Variants in SLC2A13 observed in about 807,000 individuals in gnomAD.
SLC2A13 encodes proton myo-inositol cotransporter.
SLC2A13 carries 32 observed loss-of-function variants against 64.4 expected under a neutral mutation model. The observed-to-expected ratio is 0.50, with a 90% confidence interval of 0.37 to 0.67. The LOEUF is 0.67. Among genes scored for constraint, SLC2A13 ranks in the 30% least tolerant of loss-of-function variants. The probability of loss-of-function intolerance (pLI) is 0.00; values close to 1 mark genes in which losing one functional copy is unlikely to be tolerated. For missense variants in SLC2A13, 743 were observed against 829.2 expected (o/e 0.90, Z 1.28); for synonymous variants, 338 against 327.1 (o/e 1.03, Z -0.36).
At chr12:40,006,827 T>C (rs952685126) in intron 3 of SLC2A13, among the ~76,000 whole-genome samples, 2 of 152,200 alleles carry the variant, frequency 1.3e-5, no homozygotes, top group African/African-American at 2.4e-5. Flanking sequence ...TAGACAGATC[T>C]CAAATACACA....
At chr12:39,952,507 G>A (rs1176474974) in intron 3 of SLC2A13, among the ~76,000 whole-genome samples, 1 of 152,154 alleles carries the variant, frequency 6.6e-6, no homozygotes, top group Non-Finnish European at 1.5e-5. Flanking sequence ...AGCAATAAAA[G>A]TTAGTATGGG....
chr12:39,972,185 A>C (rs940395872), intron 3 of SLC2A13, among the ~76,000 whole-genome samples: 2 of 131,792 alleles, frequency 1.5e-5, no homozygotes, highest in Non-Finnish European at 3.3e-5. Context: ...TGAAGGTATA[A>C]AGTAGGCTCT....
At chr12:39,765,624 C>G (rs1325858310) in intron 7 of SLC2A13, among the ~76,000 whole-genome samples, 1 of 152,098 alleles carries the variant, frequency 6.6e-6, no homozygotes, top group African/African-American at 2.4e-5. Flanking sequence ...ATGAACTCAT[C>G]ATAACATTCC....
At chr12:39,935,020 C>T (rs1394075360) in intron 4 of SLC2A13, among the ~76,000 whole-genome samples, 1 of 152,140 alleles carries the variant, frequency 6.6e-6, no homozygotes, top group Non-Finnish European at 1.5e-5. Flanking sequence ...TTTCACCTGC[C>T]CTCAGAAAGA....
intron 3 of SLC2A13, among the ~76,000 whole-genome samples, chr12:39,975,256 T>G (rs920429917): frequency 1.3e-5 from 2 of 152,222 alleles, no homozygotes; most frequent in African/African-American, 4.8e-5. Flanking sequence ...GACTTACATT[T>G]TAGTTTGCTA....
At chr12:39,951,790 C>G (rs545822880) in intron 3 of SLC2A13, among the ~76,000 whole-genome samples, 1 of 152,058 alleles carries the variant, frequency 6.6e-6, no homozygotes, top group South Asian at 2.1e-4. Flanking sequence ...CTTTAATCAA[C>G]CGTAAGAAAA....
intron 7 of SLC2A13, among the ~76,000 whole-genome samples, chr12:39,796,693 A>G (rs1421587877): frequency 6.6e-6 from 1 of 152,158 alleles, no homozygotes; most frequent in Non-Finnish European, 1.5e-5. Flanking sequence ...CCTAGAATAT[A>G]ATATGATTGA....
chr12:39,961,279 A>G (rs1449043315), intron 3 of SLC2A13, among the ~76,000 whole-genome samples: 3 of 151,542 alleles, frequency 2.0e-5, no homozygotes, highest in African/African-American at 7.3e-5. Context: ...GGGTTTCACC[A>G]TGTTTGCCAG....
At position 40,048,031 on chromosome 12, in the gene SLC2A13, T is replaced by G. The variant is rs550071766; in HGVS notation, c.716+20A>C. The G allele has an allele frequency of 1.9e-6, 3 of 1,563,182 alleles. No individual in the cohort carries two copies. In the African/African-American group the frequency reaches 4.1e-5, roughly 22 times the overall value. ...CAAAATCAAGATTTGAAAAATTAAA[T>G]GTAAAAAGTATTTACAAACCTCCAT... On this transcript the variant is annotated intron_variant, in intron 2 of 9. Transcript: ENST00000280871.
At chr12:40,036,042 C>A (rs1460633093) in intron 2 of SLC2A13, among the ~76,000 whole-genome samples, 1 of 152,066 alleles carries the variant, frequency 6.6e-6, no homozygotes, top group East Asian at 1.9e-4. Flanking sequence ...GAGAATCATC[C>A]ATGAAAAGCT....
intron 7 of SLC2A13, among the ~76,000 whole-genome samples, chr12:39,809,153 AC>A (rs1942066432): frequency 6.6e-6 from 1 of 152,090 alleles, no homozygotes; most frequent in African/African-American, 2.4e-5. Flanking sequence ...CTGTATTAGG[AC>A]CATTTGTTGA....
intron 1 of SLC2A13, among the ~76,000 whole-genome samples, chr12:40,056,787 G>C (rs1948339536): frequency 6.6e-6 from 1 of 152,086 alleles, no homozygotes; most frequent in East Asian, 1.9e-4. Context: ...GAGTAAAATA[G>C]AATAAACTAT....
chr12:40,075,890 A>G (rs770098121), intron 1 of SLC2A13, among the ~76,000 whole-genome samples: 5 of 152,074 alleles, frequency 3.3e-5, no homozygotes, highest in Non-Finnish European at 7.4e-5. Context: ...CATTAAATCA[A>G]TCCATTTTCC....
intron 4 of SLC2A13, among the ~76,000 whole-genome samples, chr12:39,923,617 C>T (rs1264509761): frequency 6.6e-6 from 1 of 151,450 alleles, no homozygotes; most frequent in Admixed American, 6.6e-5. Flanking sequence ...CTGAATGACA[C>T]TGAATTGTAC....
chr12:39,973,863 G>C (rs1290638209), intron 3 of SLC2A13, among the ~76,000 whole-genome samples: 3 of 152,212 alleles, frequency 2.0e-5, no homozygotes, highest in African/African-American at 7.2e-5. Flanking sequence ...TCCATCTGCA[G>C]AGTGGTCCAT....
At chr12:40,085,377 T>A (rs887627494) in intron 1 of SLC2A13, among the ~76,000 whole-genome samples, 5 of 152,186 alleles carry the variant, frequency 3.3e-5, no homozygotes, top group African/African-American at 1.2e-4. Context: ...TTGCAACCGG[T>A]GTCTGAAGGC....
At chr12:40,083,662 T>C (rs1437494145) in intron 1 of SLC2A13, among the ~76,000 whole-genome samples, 1 of 152,242 alleles carries the variant, frequency 6.6e-6, no homozygotes, top group Admixed American at 6.5e-5. Context: ...GTCCCTATTC[T>C]GAATCTTCTG....
At chr12:40,083,879 CT>C (rs1323108399) in intron 1 of SLC2A13, among the ~76,000 whole-genome samples, 3 of 152,234 alleles carry the variant, frequency 2.0e-5, no homozygotes, top group African/African-American at 7.2e-5. Context: ...GAATCCTCAG[CT>C]GCATTTTGCA....
At chr12:39,980,778 C>T (rs1946877863) in intron 3 of SLC2A13, among the ~76,000 whole-genome samples, 2 of 151,996 alleles carry the variant, frequency 1.3e-5, no homozygotes, top group Non-Finnish European at 2.9e-5. Flanking sequence ...GACAGAAAGT[C>T]AACAAGGATA....
Sources: allele counts gnomAD v4.1 joint callset (sites outside exome capture counted in the v4.1 genomes callset), GRCh38; gene constraint gnomAD v4.1.1; transcripts MANE v1.5; gene names NCBI Gene and HGNC (gene_info 2026-07-23, HGNC 2026-07-21).